Variants in CFAP54 observed in about 807,000 individuals in gnomAD.
CFAP54 encodes the protein cilia and flagella associated protein 54.
Under a neutral mutation model 370.4 loss-of-function variants are expected in CFAP54, and 290 were observed. The ratio of observed to expected loss-of-function variants is 0.78; its 90% CI spans 0.71 to 0.86. CFAP54 has a LOEUF of 0.86. Among genes scored for constraint, CFAP54 ranks in the 40% least tolerant of loss-of-function variants. The probability of loss-of-function intolerance (pLI) is 0.00; values close to 1 mark genes in which losing one functional copy is unlikely to be tolerated. For missense variants in CFAP54, 3,399 were observed against 3,528.7 expected (o/e 0.96, Z 0.93); for synonymous variants, 1,206 against 1,236.5 (o/e 0.98, Z 0.52).
chr12:96,695,678 A>T (rs1358346011), intron 45 of CFAP54, among the ~76,000 whole-genome samples: 1 of 152,234 alleles, frequency 6.6e-6, no homozygotes, highest in Admixed American at 6.5e-5. Context: ...TAACACATTC[A>T]CATAGTTGAA....
chr12:96,639,525 T>C (rs1956701179), intron 32 of CFAP54, among the ~76,000 whole-genome samples: 1 of 152,164 alleles, frequency 6.6e-6, no homozygotes, highest in African/African-American at 2.4e-5. Flanking sequence ...TACCATTCCT[T>C]CTGAAACTAT....
chr12:96,513,765 T>TA (rs1357132807), intron 5 of CFAP54, among the ~76,000 whole-genome samples: 1 of 151,788 alleles, frequency 6.6e-6, no homozygotes, highest in Non-Finnish European at 1.5e-5. Context: ...AATAGAAAAT[T>TA]AAAAAAAGGT....
intron 61 of CFAP54, among the ~76,000 whole-genome samples, chr12:96,785,884 A>C (rs1283973048): frequency 6.6e-6 from 1 of 152,168 alleles, no homozygotes; most frequent in African/African-American, 2.4e-5. Flanking sequence ...CCAGCTTCTC[A>C]GTCTCTCGAC....
intron 1 of CFAP54, among the ~76,000 whole-genome samples, chr12:96,492,863 G>A (rs1301364395): frequency 6.6e-6 from 1 of 152,006 alleles, no homozygotes; most frequent in African/African-American, 2.4e-5. Context: ...GCGTGGTGGT[G>A]TGTGCCTGTA....
chr12:96,799,092 AGGGCTAATT>A (rs1171533858), intron 63 of CFAP54, among the ~76,000 whole-genome samples: 5 of 152,310 alleles, frequency 3.3e-5, no homozygotes, highest in Non-Finnish European at 7.3e-5. Flanking sequence ...CATTTGCAAT[AGGGCTAATT>A]GGAGGATAGA....
At position 96,829,072 on chromosome 12, in the gene CFAP54, C is replaced by A; in HGVS notation, c.9155C>A (p.Pro3052Gln). ...TCTCTGTTTTTGAATGATAAAGAGCCAACACCACTATCTGAGGTATGTATT... is the reference window on the plus strand; with the variant it reads ...TCTCTGTTTTTGAATGATAAAGAGCAAACACCACTATCTGAGGTATGTATT... The part of the protein sequence containing the change: ...IASLFLNDKE[P>Q]TPLSEVPFDI... The change falls in exon 66 of 68, where the codon CCA (proline) becomes CAA (glutamine). Residue 3052 changes from proline (P) to glutamine (Q), a missense_variant. Around this residue, in one of 3 missense-constraint regions of CFAP54, gnomAD observed 2,796 missense variants for 2,869.7 expected, o/e 0.97. Coordinates refer to ENST00000524981, the MANE Select transcript of CFAP54 (RefSeq NM_001306084.2). 1 of 1,508,112 alleles carries A rather than the reference C, an allele frequency of 6.6e-7. No homozygotes were observed. Among genetic ancestry groups the A allele is most frequent in the Non-Finnish European group, 8.9e-7 (1 of 1,123,530 alleles). 93.4% of individuals were successfully genotyped at this position (1,508,112 alleles called of 1,614,324 possible). A position where few individuals can be genotyped will look rare whatever the true frequency, so the allele number is the denominator to read the frequency against.
At chr12:96,695,343 G>A (rs934371295) in intron 45 of CFAP54, among the ~76,000 whole-genome samples, 1 of 152,210 alleles carries the variant, frequency 6.6e-6, no homozygotes, top group Non-Finnish European at 1.5e-5. Flanking sequence ...TCTAAACCCT[G>A]CCCTGGGGCC....
Position 96,581,072 on chromosome 12 carries a change from T to G in CFAP54, c.3042T>G (p.Leu1014=). The G allele has an allele frequency of 6.6e-7, 1 of 1,524,332 alleles. No homozygotes were observed. Among genetic ancestry groups the G allele is most frequent in the South Asian group, 1.2e-5 (1 of 82,290 alleles). 94.4% of individuals were successfully genotyped at this position (1,524,332 alleles called of 1,614,324 possible). ...TTKPILVYPP[L]STITARMFLT... is the part of the protein sequence containing the mutation. ...AACCAATTCTGGTTTATCCCCCTCTTTCTACTATTACTGCTCGGATGTTCC... is the reference window on the plus strand; with the variant it reads ...AACCAATTCTGGTTTATCCCCCTCTGTCTACTATTACTGCTCGGATGTTCC... Residue 1014 remains leucine, a synonymous_variant, in exon 22 of 68, where the codon CTT becomes CTG. Coordinates refer to ENST00000524981, the MANE Select transcript of CFAP54 (RefSeq NM_001306084.2).
At chr12:96,783,684 C>G (rs1489699524) in intron 60 of CFAP54, among the ~76,000 whole-genome samples, 8 of 152,104 alleles carry the variant, frequency 5.3e-5, no homozygotes, top group Non-Finnish European at 1.2e-4. Flanking sequence ...GTCGGGAGTT[C>G]AAGACCAGCC....
At chr12:96,746,092 C>T (rs769113612) in intron 55 of CFAP54, among the ~76,000 whole-genome samples, 1 of 152,140 alleles carries the variant, frequency 6.6e-6, no homozygotes, top group Non-Finnish European at 1.5e-5. Context: ...TTTGGCCTTG[C>T]TGTAGCTCCT....
intron 38 of CFAP54, among the ~76,000 whole-genome samples, chr12:96,661,485 C>T (rs1243305449): frequency 6.6e-6 from 1 of 152,104 alleles, no homozygotes; most frequent in African/African-American, 2.4e-5. Context: ...GGCAGGCAGT[C>T]AGGATCATGA....
At chr12:96,545,692 A>G (rs1220268186) in intron 14 of CFAP54, among the ~76,000 whole-genome samples, 1 of 152,212 alleles carries the variant, frequency 6.6e-6, no homozygotes, top group African/African-American at 2.4e-5. Context: ...GGAGGAGACA[A>G]ATATTCAAAT....
At chr12:96,832,811 G>A (rs1035203) in intron 66 of CFAP54, among the ~76,000 whole-genome samples, 48,695 of 152,014 alleles carry the variant, frequency 0.32, 8,070 homozygotes, top group South Asian at 0.52. Context: ...CCCAACATGA[G>A]ATCCTAGTGG....
At chr12:96,857,594 C>A (rs1378218471) in intron 66 of CFAP54, among the ~76,000 whole-genome samples, 1 of 152,082 alleles carries the variant, frequency 6.6e-6, no homozygotes, top group Non-Finnish European at 1.5e-5. Flanking sequence ...GTATCTCTAC[C>A]CAAATCTCAT....
At chr12:96,664,796 TATATATATATATATATAG>T (rs1449464169) in intron 39 of CFAP54, among the ~76,000 whole-genome samples, 2,571 of 39,220 alleles carry the variant, frequency 0.066, 140 homozygotes, top group East Asian at 0.21. Context: ...TATATATATA[TATATATATATATATATAG>T]ATATATATAT....
intron 60 of CFAP54, 108 bp from the exon 61 acceptor site, chr12:96,784,609 A>G: frequency 1.3e-6 from 1 of 788,034 alleles, no homozygotes; most frequent in Non-Finnish European, 1.9e-6. Context: ...ACATAGTATC[A>G]TGTGTCAGCA....
At chr12:96,857,344 A>G (rs1171846599) in intron 66 of CFAP54, among the ~76,000 whole-genome samples, 1 of 152,142 alleles carries the variant, frequency 6.6e-6, no homozygotes, top group Non-Finnish European at 1.5e-5. Context: ...CTTTGTGCCC[A>G]TAAGTTCTCA....
intron 50 of CFAP54, among the ~76,000 whole-genome samples, chr12:96,732,870 T>TC (rs879697213): frequency 6.6e-6 from 1 of 152,118 alleles, no homozygotes; most frequent in Non-Finnish European, 1.5e-5. Context: ...GTTTTTTTTT[T>TC]CCAAACTATG....
At chr12:96,682,395 TC>T in intron 40 of CFAP54, 3 of 780,898 alleles carry the variant, frequency 3.8e-6, no homozygotes, top group Non-Finnish European at 4.7e-6. Context: ...TGAGACGAGG[TC>T]TCATTTTGTC....
Sources: allele counts gnomAD v4.1 joint callset (sites outside exome capture counted in the v4.1 genomes callset), GRCh38; gene constraint gnomAD v4.1.1; regional missense constraint gnomAD v4.1.1; transcripts MANE v1.5; gene names NCBI Gene and HGNC (gene_info 2026-07-23, HGNC 2026-07-21).